The following COX5A variants were observed in gnomAD, a reference collection of about 807,000 sequenced individuals.
COX5A encodes the protein cytochrome c oxidase subunit 5A.
COX5A carries 6 observed loss-of-function variants against 16.1 expected under a neutral mutation model. That is an observed-to-expected ratio of 0.37 (90% CI 0.20 to 0.73). COX5A has a LOEUF of 0.73. Among genes scored for constraint, COX5A ranks in the 30% least tolerant of loss-of-function variants. COX5A has a pLI of 0.50. For missense variants in COX5A, 159 were observed against 194.9 expected (o/e 0.82, Z 1.10); for synonymous variants, 73 against 73.8 (o/e 0.99, Z 0.06).
At chr15:74,937,870 C>T in intron 1 of COX5A, 45 bp downstream of exon 1, 1 of 1,160,450 alleles carries the variant, frequency 8.6e-7, no homozygotes. Context: ...ACCCAGGTCA[C>T]CGCAAGGACA....
intron 3 of COX5A, 82 bp downstream of exon 3, chr15:74,926,684 A>G: frequency 6.9e-7 from 1 of 1,445,554 alleles, no homozygotes; most frequent in Non-Finnish European, 9.3e-7. Flanking sequence ...ATTTTAACAA[A>G]TTCAAAAATA....
intron 3 of COX5A, among the ~76,000 whole-genome samples, chr15:74,925,387 G>GTA (rs967794453): frequency 3.9e-5 from 6 of 151,932 alleles, no homozygotes; most frequent in African/African-American, 7.3e-5. Context: ...TTCATATAAT[G>GTA]TATATATATA....
Position 74,938,026 on chromosome 15 carries a change from C to G in COX5A, c.-12G>C. The G allele has an allele frequency of 8.1e-7, 1 of 1,229,496 alleles. No homozygotes were observed. The highest frequency in any genetic ancestry group is 1.0e-6 in the Non-Finnish European group (1 of 986,300). The allele number at this position is 1,229,496 out of a possible 1,614,324, so 76.2% of individuals were successfully genotyped here. On this transcript the variant is annotated 5_prime_UTR_variant, in exon 1 of 5. Transcript: ENST00000322347. ...GCGGCGCCCAGCATGACGGCGATGGCGGCGCGCGGGCTGAGGACAGAGAGA... is the reference window on the plus strand; with the variant it reads ...GCGGCGCCCAGCATGACGGCGATGGGGGCGCGCGGGCTGAGGACAGAGAGA...
intron 3 of COX5A, among the ~76,000 whole-genome samples, chr15:74,924,936 A>C (rs896361571): frequency 5.3e-5 from 8 of 152,316 alleles, no homozygotes; most frequent in African/African-American, 1.9e-4. Context: ...TTGAGAATAC[A>C]TATGTCCAGG....
chr15:74,929,348 G>A, intron 1 of COX5A, 116 bp from the exon 2 acceptor site: 4 of 683,862 alleles, frequency 5.8e-6, no homozygotes, highest in South Asian at 3.4e-5. Context: ...ATATTGAACA[G>A]GTCAAATGAA....
chr15:74,934,332 A>T (rs950935544), intron 1 of COX5A, among the ~76,000 whole-genome samples: 2 of 145,002 alleles, frequency 1.4e-5, no homozygotes, highest in East Asian at 2.0e-4. Flanking sequence ...CGTGATTTAA[A>T]TTTTTTTTTT....
chr15:74,929,903 C>T lies in COX5A; in HGVS notation c.101-671G>A, dbSNP rs912738923. ...GACCATCCTGGCTAACACGGTGAAA[C>T]CCCGTCTCTACTAAAAATACAAAAA... is the stretch of plus-strand genomic sequence containing the variant. On this transcript the variant is annotated intron_variant, in intron 1 of 4. Coordinates refer to ENST00000322347, the MANE Select transcript of COX5A (RefSeq NM_004255.4). Among the ~76,000 whole-genome samples the T allele has an allele frequency of 1.3e-5, 2 of 150,974 alleles. 1 individual carries two copies. The highest frequency in any genetic ancestry group is 4.9e-5 in the African/African-American group (2 of 40,982).
intron 4 of COX5A, among the ~76,000 whole-genome samples, chr15:74,921,623 G>A (rs1271285775): frequency 6.6e-6 from 1 of 152,004 alleles, no homozygotes; most frequent in Non-Finnish European, 1.5e-5. Context: ...CCAGCTACTA[G>A]GGAGGCTGAG....
chr15:74,929,994 G>C (rs1595862370), intron 1 of COX5A, among the ~76,000 whole-genome samples: 1 of 151,954 alleles, frequency 6.6e-6, no homozygotes, highest in Non-Finnish European at 1.5e-5. Flanking sequence ...CAGGAGAATG[G>C]CGTGAACCTG....
intron 1 of COX5A, among the ~76,000 whole-genome samples, chr15:74,933,004 TACA>T (rs1186800752): frequency 9.9e-5 from 15 of 151,690 alleles, no homozygotes; most frequent in African/African-American, 2.9e-4. Flanking sequence ...CCTTAATTTC[TACA>T]ACAAGAAAAA....
intron 3 of COX5A, among the ~76,000 whole-genome samples, chr15:74,925,044 C>T (rs576008666): frequency 5.3e-5 from 8 of 152,150 alleles, no homozygotes; most frequent in South Asian, 2.1e-4. Flanking sequence ...AAGTGCCGGC[C>T]GGGCGTGGTG....
At chr15:74,921,798 A>G (rs552042905) in intron 4 of COX5A, among the ~76,000 whole-genome samples, 21 of 152,300 alleles carry the variant, frequency 1.4e-4, no homozygotes, top group Non-Finnish European at 7.4e-5. Flanking sequence ...CTGAACAACT[A>G]GTTTTCTTTA....
intron 1 of COX5A, among the ~76,000 whole-genome samples, chr15:74,931,347 A>G (rs1351741283): frequency 1.3e-5 from 2 of 151,724 alleles, no homozygotes; most frequent in East Asian, 2.0e-4. Flanking sequence ...CTAAAAATAC[A>G]AAAATTAGCT....
At chr15:74,937,185 C>CA (rs2065394730) in intron 1 of COX5A, among the ~76,000 whole-genome samples, 1 of 152,102 alleles carries the variant, frequency 6.6e-6, no homozygotes, top group Non-Finnish European at 1.5e-5. Context: ...TCTCATACTC[C>CA]AGCAATCAGG....
chr15:74,922,664 C>CTTTT (rs941924508), intron 4 of COX5A, among the ~76,000 whole-genome samples: 1 of 128,440 alleles, frequency 7.8e-6, no homozygotes, highest in Non-Finnish European at 1.7e-5. Context: ...CAAGTTGAGT[C>CTTTT]TTTTTTTTTT....
intron 4 of COX5A, among the ~76,000 whole-genome samples, chr15:74,922,637 G>GA (rs774577924): frequency 6.6e-6 from 1 of 150,890 alleles, no homozygotes; most frequent in Non-Finnish European, 1.5e-5. Flanking sequence ...TTACAGGCAT[G>GA]AGCCATTGCT....
At chr15:74,931,016 CAAAAAAAAA>C (rs61417867) in intron 1 of COX5A, among the ~76,000 whole-genome samples, 2 of 23,718 alleles carry the variant, frequency 8.4e-5, no homozygotes, top group Admixed American at 6.2e-4. Flanking sequence ...GACTCTGTCT[CAAAAAAAAA>C]AAAAAAAAAA....
At chr15:74,932,372 C>G (rs2065371389) in intron 1 of COX5A, among the ~76,000 whole-genome samples, 1 of 151,932 alleles carries the variant, frequency 6.6e-6, no homozygotes, top group Non-Finnish European at 1.5e-5. Flanking sequence ...CCAGGGTGGT[C>G]TTAAACTCCT....
intron 1 of COX5A, among the ~76,000 whole-genome samples, chr15:74,932,145 CTGG>C (rs755934974): frequency 6.6e-6 from 1 of 152,324 alleles, no homozygotes; most frequent in Non-Finnish European, 1.5e-5. Context: ...ACACTATGCA[CTGG>C]TAAGTATTAA....
Sources: allele counts gnomAD v4.1 joint callset (sites outside exome capture counted in the v4.1 genomes callset), GRCh38; gene constraint gnomAD v4.1.1; transcripts MANE v1.5; gene names NCBI Gene and HGNC (gene_info 2026-07-23, HGNC 2026-07-21).